BLZF1: variants seen among roughly 807,000 people sequenced by gnomAD.
BLZF1 encodes the protein golgin-45.
Under a neutral mutation model 43.8 loss-of-function variants are expected in BLZF1, and 39 were observed. That is an observed-to-expected ratio of 0.89 (90% CI 0.69 to 1.16). BLZF1 has a LOEUF of 1.16. Ranked by LOEUF, BLZF1 falls within the 50% of genes most tolerant of loss-of-function variation. The pLI is 0.00. For synonymous variants in BLZF1, 136 were observed against 159.4 expected (o/e 0.85, Z 1.11); for missense variants, 449 against 469.8 (o/e 0.96, Z 0.41).
intron 6 of BLZF1, among the ~76,000 whole-genome samples, chr1:169,385,478 C>T (rs1370224775): frequency 1.3e-5 from 2 of 152,152 alleles, no homozygotes; most frequent in Non-Finnish European, 2.9e-5. Context: ...ATACAGAAAC[C>T]TTTCTGTTCA....
In BLZF1 at chr1:169,376,846, A is replaced by G. The variant is rs1320912844; in HGVS notation, c.335A>G (p.Gln112Arg). ...CATCATAAAGGAGAATTCCTTGGTC[A>G]GTCAGAGGGAGTTATAGAACCTAAT... ...LGHHKGEFLGQSEGVIEPNKE... is the reference protein window; with the variant it reads ...LGHHKGEFLGRSEGVIEPNKE... The change falls in exon 3 of 7, where the codon CAG (glutamine) becomes CGG (arginine). Residue 112 changes from glutamine to arginine, a missense_variant. Coordinates refer to ENST00000367808, the MANE Select transcript of BLZF1 (RefSeq NM_001320973.2). 1 of 1,613,262 alleles carries G rather than the reference A, an allele frequency of 6.2e-7. No individual in the cohort carries two copies. Among genetic ancestry groups the G allele is most frequent in the Admixed American group, 1.7e-5 (1 of 59,874 alleles).
chr1:169,385,002 C>T (rs1353217619), intron 6 of BLZF1, among the ~76,000 whole-genome samples: 1 of 152,114 alleles, frequency 6.6e-6, no homozygotes, highest in Admixed American at 6.5e-5. Context: ...TTTGTTTCTC[C>T]TTTTCTATTC....
intron 2 of BLZF1, among the ~76,000 whole-genome samples, chr1:169,372,233 T>G (rs1654147058): frequency 1.3e-5 from 2 of 152,182 alleles, no homozygotes; most frequent in Admixed American, 6.6e-5. Context: ...GATTTAAAAT[T>G]ACCACATGAC....
At chr1:169,394,916 A>C in intron 7 of BLZF1, 4 of 846,726 alleles carry the variant, frequency 4.7e-6, no homozygotes, top group Non-Finnish European at 6.8e-6. Context: ...GTATTAAAAA[A>C]ACAAATTCAC....
chr1:169,387,767 T>C lies in BLZF1; in HGVS notation c.*585T>C, dbSNP rs1654716411. 1 of 152,150 alleles carries C rather than the reference T, an allele frequency of 6.6e-6. No individual in the cohort carries two copies. The highest frequency in any genetic ancestry group is 2.4e-5 in the African/African-American group (1 of 41,442). The allele number at this position is 152,150 out of a possible 1,614,324, so 9.4% of individuals were successfully genotyped here. ...GAGCTACAAAAGAGCCTTGCAGAAA[T>C]GGGTGAAGGGATTAATCTTTTAAAA... On this transcript the variant is annotated 3_prime_UTR_variant, in exon 7 of 7. Transcript: ENST00000367808.
Position 169,378,489 on chromosome 1 carries a change from A to G in BLZF1, c.628A>G (p.Ile210Val), listed in dbSNP as rs1315988647. The change falls in exon 4 of 7, where the codon ATA becomes GTA. Residue 210 changes from isoleucine to valine, a missense_variant. Physicochemically the swap from Ile to Val is conservative, Grantham distance 29. Coordinates refer to ENST00000367808, the MANE Select transcript of BLZF1 (RefSeq NM_001320973.2). The part of the protein sequence containing the change: ...QLSEQLERMS[I>V]QCDVWRSKFL... The stretch of plus-strand genomic sequence containing the variant: ...TTCTGAACAGTTAGAACGTATGTCA[A>G]TACAGTGTGATGTATGGCGAAGTAA... The G allele has an allele frequency of 1.9e-6, 3 of 1,612,656 alleles. No homozygotes were observed. In the Admixed American group the frequency reaches 5.0e-5, roughly 27 times the overall value.
At position 169,376,798 on chromosome 1, in the gene BLZF1, A is replaced by T. The variant is rs763826520; in HGVS notation, c.287A>T (p.Asn96Ile). 6.2e-7 allele frequency: 1 copy of T among 1,613,450 alleles called. No individual in the cohort carries two copies. Among genetic ancestry groups the T allele is most frequent in the South Asian group, 1.1e-5 (1 of 91,064 alleles). Residue 96 changes from asparagine to isoleucine, a missense_variant, in exon 3 of 7, where the codon AAT (asparagine) becomes ATT (isoleucine). Physicochemically the swap from Asn to Ile is moderately radical, Grantham distance 149. Coordinates refer to ENST00000367808, the MANE Select transcript of BLZF1 (RefSeq NM_001320973.2). ...AAITHDIPNK[N>I]TKVKSLGHHK... ...ATAACTCATGATATCCCCAACAAAA[A>T]TACAAAGGTTAAGTCTCTGGGACAT... is the stretch of plus-strand genomic sequence containing the variant.
chr1:169,382,003 T>C, intron 5 of BLZF1, 59 bp from the exon 6 acceptor site: 1 of 1,221,744 alleles, frequency 8.2e-7, no homozygotes, highest in Non-Finnish European at 1.2e-6. Context: ...TATTTACTAT[T>C]ATTAATTTTT....
downstream of BLZF1, among the ~76,000 whole-genome samples, chr1:169,391,988 A>T (rs141647297): frequency 2.8e-5 from 4 of 144,784 alleles, no homozygotes; most frequent in East Asian, 7.7e-4. Context: ...CCTAGGCAAA[A>T]CTCTTGATGG....
intron 5 of BLZF1, among the ~76,000 whole-genome samples, chr1:169,381,218 T>C (rs1031890331): frequency 6.6e-6 from 1 of 151,944 alleles, no homozygotes. Context: ...ATATAGACTC[T>C]ATACACATAA....
chr1:169,371,452 A>C (rs1654117796), intron 2 of BLZF1, among the ~76,000 whole-genome samples: 1 of 152,248 alleles, frequency 6.6e-6, no homozygotes, highest in Non-Finnish European at 1.5e-5. Context: ...CCAGTAAGGA[A>C]AATAATTCTA....
downstream of BLZF1, among the ~76,000 whole-genome samples, chr1:169,388,495 G>A (rs890820476): frequency 6.6e-6 from 1 of 152,082 alleles, no homozygotes; most frequent in Non-Finnish European, 1.5e-5. Context: ...GACAACAGAA[G>A]CACAGGCAAC....
intron 7 of BLZF1, among the ~76,000 whole-genome samples, chr1:169,395,440 C>T (rs1440056368): frequency 1.3e-5 from 2 of 152,170 alleles, no homozygotes; most frequent in Non-Finnish European, 2.9e-5. Flanking sequence ...TACAATGAAA[C>T]TGCCAACTTA....
rs886253541 is a variant in BLZF1, at chr1:169,387,576, C to T, written c.*394C>T. 1 of 160,534 alleles carries T rather than the reference C, an allele frequency of 6.2e-6. No homozygotes were observed. Among genetic ancestry groups the T allele is most frequent in the Non-Finnish European group, 1.3e-5 (1 of 74,320 alleles). 9.9% of individuals were successfully genotyped at this position (160,534 alleles called of 1,614,324 possible). A position where few individuals can be genotyped will look rare whatever the true frequency, so the allele number is the denominator to read the frequency against. On this transcript the variant is annotated 3_prime_UTR_variant, in exon 7 of 7. Transcript: ENST00000367808. ...AGGCAAACTACAACCATGAGTCAAA[C>T]ATGGCCACACCCATTCATGTGCTAT...
At chr1:169,395,050 G>T in intron 7 of BLZF1, 1 of 1,586,308 alleles carries the variant, frequency 6.3e-7, no homozygotes, top group Non-Finnish European at 8.5e-7. Context: ...GAAACTTTCA[G>T]TTATAATGAT....
rs1217742129 is a variant in BLZF1, at chr1:169,376,581, A to G, written c.70A>G (p.Met24Val). 1 of 1,610,558 alleles carries G rather than the reference A, an allele frequency of 6.2e-7. No homozygotes were observed. Among genetic ancestry groups the G allele is most frequent in the Non-Finnish European group, 8.5e-7 (1 of 1,178,802 alleles). Residue 24 changes from methionine (M) to valine (V), a missense_variant, in exon 3 of 7, where the codon ATG becomes GTG. By Grantham distance (21) the Met-to-Val change is conservative. Coordinates refer to ENST00000367808, the MANE Select transcript of BLZF1 (RefSeq NM_001320973.2). The part of the protein sequence containing the change: ...SSPIRGAGDG[M>V]ETEEPPKSVE... ...CCCAATCCGAGGAGCAGGAGATGGA[A>G]TGGAAACTGAGGAACCACCTAAATC...
downstream of BLZF1, among the ~76,000 whole-genome samples, chr1:169,389,071 G>A (rs1419734850): frequency 3.3e-5 from 5 of 151,958 alleles, no homozygotes; most frequent in African/African-American, 9.7e-5. Context: ...GTAGTGAGCC[G>A]AGATCGCGCC....
Position 169,388,230 on chromosome 1 carries a change from T to G in BLZF1, c.*1048T>G, listed in dbSNP as rs1013669198. 7.2e-5 allele frequency: 11 copies of G among 152,208 alleles called. No homozygotes were observed. Among genetic ancestry groups the G allele is most frequent in the African/African-American group, 2.7e-4 (11 of 41,460 alleles). The allele number at this position is 152,208 out of a possible 1,614,324, so 9.4% of individuals were successfully genotyped here. A position where few individuals can be genotyped will look rare whatever the true frequency, so the allele number is the denominator to read the frequency against. ...TGGTCAAATAATAATAATTTTAATG[T>G]CAATGATTTTTTTTGTCTGACTCAT... On this transcript the variant is annotated 3_prime_UTR_variant, in exon 7 of 7. Coordinates refer to ENST00000367808, the MANE Select transcript of BLZF1 (RefSeq NM_001320973.2).
In BLZF1 at chr1:169,376,969, TACAG is replaced by T. The variant is rs1261666955; in HGVS notation, c.464_467del (p.Thr155ArgfsTer2). On this transcript the variant is annotated frameshift_variant, in exon 3 of 7. Coordinates refer to ENST00000367808, the MANE Select transcript of BLZF1 (RefSeq NM_001320973.2). LOFTEE classifies it high-confidence loss of function. ...GAAGGTCTTTCAAACCAGCTCCGTG[TACAG>T]ACAGAGGTAAGAAGAGCCTTAATCG... 1 of 1,612,530 alleles carries T rather than the reference TACAG, an allele frequency of 6.2e-7. No individual in the cohort carries two copies. The highest frequency in any genetic ancestry group is 8.5e-7 in the Non-Finnish European group (1 of 1,179,160).
Sources: gnomAD v4.1 joint callset for allele counts (sites outside exome capture counted in the v4.1 genomes callset) on GRCh38, gnomAD v4.1.1 for gene constraint, MANE v1.5 for transcripts, NCBI Gene and HGNC (gene_info 2026-07-23, HGNC 2026-07-21) for gene names.